The following C2 variants were observed in gnomAD, a reference collection of about 807,000 sequenced individuals.
C2 encodes complement C2, also known as C3/C5 convertase.
A neutral mutation model predicts 85.2 loss-of-function variants in C2; 64 were observed. That is an observed-to-expected ratio of 0.75 (90% CI 0.61 to 0.92). The LOEUF is 0.92. Among genes scored for constraint, C2 ranks in the 40% least tolerant of loss-of-function variants. The pLI, the probability that C2 is intolerant of heterozygous loss-of-function variation, is 0.00. For synonymous variants in C2, 311 were observed against 370.8 expected (o/e 0.84, Z 1.85); for missense variants, 820 against 971.6 (o/e 0.84, Z 2.07).
chr6:31,934,595 A>T, intron 6 of C2: 2 of 1,429,020 alleles, frequency 1.4e-6, no homozygotes, highest in South Asian at 3.1e-5. Flanking sequence ...AGGTAGTGAG[A>T]TAACCCACAG....
upstream of C2, chr6:31,897,866 G>A: frequency 2.8e-6 from 3 of 1,055,306 alleles, no homozygotes; most frequent in Non-Finnish European, 1.1e-6. Context: ...TGTCATTCCT[G>A]GCCTCAGTTC....
intron 3 of C2, among the ~76,000 whole-genome samples, chr6:31,931,689 C>G (rs1173853252): frequency 6.6e-6 from 1 of 152,138 alleles, no homozygotes; most frequent in African/African-American, 2.4e-5. Context: ...GGCAACCATC[C>G]GATTTCTCAA....
intron 1 of C2, among the ~76,000 whole-genome samples, chr6:31,911,089 A>G (rs544362931): frequency 6.6e-6 from 1 of 152,302 alleles, no homozygotes; most frequent in Non-Finnish European, 1.5e-5. Flanking sequence ...ACCTGAAGTC[A>G]GGAGTTCGAG....
At position 31,944,752 on chromosome 6, in the gene C2, C is replaced by T; in HGVS notation, c.1928C>T (p.Ser643Phe). The change falls in exon 16 of 18, where the codon TCC becomes TTC. Residue 643 changes from serine to phenylalanine, a missense_variant. Ser to Phe is a radical substitution (Grantham distance 155). Coordinates refer to ENST00000299367, the MANE Select transcript of C2 (RefSeq NM_000063.6). The surrounding 1 kb of genome is among the most constrained non-coding windows in gnomAD (Gnocchi z 5.1). Reference protein sequence around the residue: ...VEWTSCAEVVSQEKTMFPNLT... With the variant: ...VEWTSCAEVVFQEKTMFPNLT... Reference sequence around the variant, plus strand: ...TGGACAAGCTGTGCCGAGGTTGTCTCCCAAGAAAAAACCATGTTCCCCAAC... The same window carrying T: ...TGGACAAGCTGTGCCGAGGTTGTCTTCCAAGAAAAAACCATGTTCCCCAAC... 6.2e-7 allele frequency: 1 copy of T among 1,613,082 alleles called. No homozygotes were observed. Among genetic ancestry groups the T allele is most frequent in the Non-Finnish European group, 8.5e-7 (1 of 1,180,036 alleles).
Position 31,922,370 on chromosome 6 carries a change from C to T in C2, c.-100+2344C>T, listed in dbSNP as rs776227864. On this transcript the variant is annotated intron_variant, in intron 1 of 3. Coordinates refer to the C2 transcript ENST00000413154. This position sits in a 1 kb window ranked among gnomAD's most constrained non-coding sequence, Gnocchi z 4.8. The stretch of plus-strand genomic sequence containing the variant: ...GAGGGGTGGCAGATCCTAGGATGAC[C>T]GCGAAGTCCATGCCCAAGTGGCCAG... Among the ~76,000 whole-genome samples the T allele has an allele frequency of 6.6e-6, 1 of 152,050 alleles. No homozygotes were observed.
At chr6:31,906,258 C>A (rs1767705380) in intron 1 of C2, among the ~76,000 whole-genome samples, 1 of 151,992 alleles carries the variant, frequency 6.6e-6, no homozygotes, top group African/African-American at 2.4e-5. Flanking sequence ...AAACAAAGTG[C>A]CTGCACCACT....
chr6:31,910,277 T>A (rs754320257), intron 1 of C2, among the ~76,000 whole-genome samples: 4 of 151,944 alleles, frequency 2.6e-5, no homozygotes, highest in Non-Finnish European at 5.9e-5. Flanking sequence ...GAGCATCTTT[T>A]CATGTCCTTG....
intron 9 of C2, 59 bp downstream of exon 9, chr6:31,939,379 C>A: frequency 1.6e-6 from 2 of 1,264,732 alleles, no homozygotes; most frequent in Non-Finnish European, 1.2e-6. Flanking sequence ...ATGAGATCTT[C>A]AGCCAGGGAT....
In C2 at chr6:31,933,578, A is replaced by G. The variant is rs772231490; in HGVS notation, c.443-32A>G. 2.5e-6 allele frequency: 4 copies of G among 1,611,372 alleles called. No individual in the cohort carries two copies. In the South Asian group the frequency reaches 4.4e-5, roughly 18 times the overall value. ...AGGCAGAGCCTGATGGGAGGGGGCT[A>G]CTCACCTCTGCCTTCCTTTGTTCAC... On this transcript the variant is annotated intron_variant, in intron 3 of 17. Coordinates refer to ENST00000299367, the MANE Select transcript of C2 (RefSeq NM_000063.6).
upstream of C2, among the ~76,000 whole-genome samples, chr6:31,898,998 G>A (rs1003121795): frequency 6.6e-6 from 1 of 151,786 alleles, no homozygotes; most frequent in Non-Finnish European, 1.5e-5. Context: ...TAGGTATTAA[G>A]AACGCAGCAT....
intron 3 of C2, 31 bp from the exon 4 acceptor site, chr6:31,933,579 C>T (rs1198171100): frequency 6.2e-7 from 1 of 1,611,534 alleles, no homozygotes; most frequent in Non-Finnish European, 8.5e-7. Flanking sequence ...GAGGGGGCTA[C>T]TCACCTCTGC....
chr6:31,898,835 G>A (rs1766925016), upstream of C2, among the ~76,000 whole-genome samples: 1 of 151,966 alleles, frequency 6.6e-6, no homozygotes, highest in Admixed American at 6.6e-5. Context: ...GTACTGTGAG[G>A]TACCTGGCTA....
chr6:31,920,487 C>T lies in C2; in HGVS notation c.-100+461C>T, dbSNP rs2151729446. ...GGGGTGGTGAGGACCGGAGCCAGGG[C>T]AATTCAGCCATAGGCCACCCCTCCC... On this transcript the variant is annotated intron_variant, in intron 1 of 3. Coordinates refer to the C2 transcript ENST00000413154. This position sits in a 1 kb window ranked among gnomAD's most constrained non-coding sequence, Gnocchi z 5.6. 6.6e-6 allele frequency among the ~76,000 whole-genome samples: 1 copy of T among 152,270 alleles called. No homozygotes were observed. The highest frequency in any genetic ancestry group is 1.5e-5 in the Non-Finnish European group (1 of 68,006).
intron 3 of C2, among the ~76,000 whole-genome samples, chr6:31,933,249 G>A (rs1770073506): frequency 6.6e-6 from 1 of 152,170 alleles, no homozygotes; most frequent in Admixed American, 6.5e-5. Context: ...TCACAGGCTG[G>A]CATATGTTTA....
At chr6:31,911,015 T>C (rs1438391830) in intron 1 of C2, among the ~76,000 whole-genome samples, 4 of 150,870 alleles carry the variant, frequency 2.7e-5, no homozygotes, top group Admixed American at 2.6e-4. Context: ...TAAAATGAAT[T>C]GGGCTGGGTG....
rs1184007484 is a variant in C2, at chr6:31,945,438, C to G, written c.*81C>G. On this transcript the variant is annotated 3_prime_UTR_variant, in exon 18 of 18. Transcript: ENST00000299367. The surrounding 1 kb of genome is among the most constrained non-coding windows in gnomAD (Gnocchi z 5.3). ...TACCTCTGAATGGCCACCCTTAGAC[C>G]CTGTGATCCATCCTCTCTCCTAGCT... 7.7e-7 allele frequency: 1 copy of G among 1,297,278 alleles called. No homozygotes were observed. Among genetic ancestry groups the G allele is most frequent in the African/African-American group, 1.5e-5 (1 of 68,658 alleles). 80.4% of individuals were successfully genotyped at this position (1,297,278 alleles called of 1,614,324 possible).
intron 1 of C2, chr6:31,901,739 C>A (rs974901200): frequency 5.1e-6 from 1 of 196,890 alleles, no homozygotes; most frequent in South Asian, 9.2e-5. Context: ...CGTCCTCCCC[C>A]CCGCCGCCAG....
intron 3 of C2, among the ~76,000 whole-genome samples, chr6:31,933,346 T>A (rs940621724): frequency 6.6e-6 from 1 of 152,202 alleles, no homozygotes; most frequent in African/African-American, 2.4e-5. Flanking sequence ...CTCCAACACT[T>A]GGAATTACCT....
upstream of C2, chr6:31,899,910 C>G (rs769936910): frequency 1.3e-6 from 2 of 1,559,278 alleles, no homozygotes; most frequent in South Asian, 2.3e-5. Flanking sequence ...GCCTCCTGGC[C>G]TCCACGCCTG....
Sources: gnomAD v4.1 joint callset for allele counts (sites outside exome capture counted in the v4.1 genomes callset) on GRCh38, gnomAD v4.1.1 for gene constraint, Gnocchi (gnomAD v3.1) non-coding constraint, MANE v1.5 for transcripts, NCBI Gene and HGNC (gene_info 2026-07-23, HGNC 2026-07-21) for gene names.